The following MLXIP variants were observed in gnomAD, a reference collection of about 807,000 sequenced individuals.
MLXIP encodes the protein MLX interacting protein.
A neutral mutation model predicts 87.2 loss-of-function variants in MLXIP; 30 were observed. The observed-to-expected ratio is 0.34, with a 90% CI of 0.26 to 0.47. MLXIP has a LOEUF of 0.47. Ranked by LOEUF, MLXIP falls within the 20% of genes least tolerant of loss-of-function variation. The pLI is 1.00. For missense variants in MLXIP, 1,002 were observed against 1,240.1 expected (o/e 0.81, Z 2.88); for synonymous variants, 530 against 514.0 (o/e 1.03, Z -0.42).
chr12:122,125,620 G>C (rs910027858), intron 1 of MLXIP, among the ~76,000 whole-genome samples: 1 of 152,196 alleles, frequency 6.6e-6, no homozygotes, highest in African/African-American at 2.4e-5. Context: ...CTGTACCACC[G>C]GTGAGGCCAG....
chr12:122,140,838 C>T, intron 15 of MLXIP, 116 bp from the exon 16 acceptor site: 1 of 1,500,000 alleles, frequency 6.7e-7, no homozygotes, highest in South Asian at 1.1e-5. Context: ...GATCCATTCT[C>T]TGTGGGCAGA....
chr12:122,100,707 A>G (rs976921370), intron 1 of MLXIP, among the ~76,000 whole-genome samples: 8 of 152,074 alleles, frequency 5.3e-5, no homozygotes, highest in African/African-American at 7.2e-5. Flanking sequence ...CCCATTTTCT[A>G]TTGGTTTGCA....
chr12:122,093,165 T>C (rs1040796194), intron 1 of MLXIP, among the ~76,000 whole-genome samples: 3 of 147,816 alleles, frequency 2.0e-5, no homozygotes, highest in Non-Finnish European at 4.5e-5. Context: ...GTAGGGTATG[T>C]AGTGTGTGTA....
At chr12:122,117,751 A>G (rs1952714993) in intron 1 of MLXIP, among the ~76,000 whole-genome samples, 1 of 152,190 alleles carries the variant, frequency 6.6e-6, no homozygotes, top group African/African-American at 2.4e-5. Flanking sequence ...CTGAAAGCTC[A>G]GATAGTGCCG....
rs756776307 is a variant in MLXIP at position 122,138,512 on chromosome 12, G to A, written c.2345G>A (p.Arg782Gln). 19 of 1,613,702 alleles carry A rather than the reference G, an allele frequency of 1.2e-5. No homozygotes were observed. Among genetic ancestry groups the A allele is most frequent in the East Asian group, 6.7e-5 (3 of 44,878 alleles). The stretch of plus-strand genomic sequence containing the variant: ...GGCCAGATGCAGGAGGAGGCCCGGC[G>A]GCTGCGGGAGGAGATCGAGGAGCTC... ...ERGQMQEEAR[R>Q]LREEIEELNA... Residue 782 changes from arginine to glutamine, a missense_variant, in exon 14 of 17, where the codon CGG becomes CAG. Physicochemically the swap from Arg to Gln is conservative, Grantham distance 43. Coordinates refer to ENST00000319080, the MANE Select transcript of MLXIP (RefSeq NM_014938.6).
chr12:122,106,886 G>A (rs1172428702), intron 1 of MLXIP, among the ~76,000 whole-genome samples: 2 of 152,154 alleles, frequency 1.3e-5, no homozygotes, highest in Non-Finnish European at 2.9e-5. Context: ...ACAGGTGTGA[G>A]CCACAGCACC....
chr12:122,131,384 A>G (rs1482756699), intron 7 of MLXIP, among the ~76,000 whole-genome samples: 2 of 147,984 alleles, frequency 1.4e-5, no homozygotes. Context: ...CCCTCTGTCC[A>G]TGGCATCCCC....
chr12:122,083,069 C>G (rs561279812), intron 1 of MLXIP, among the ~76,000 whole-genome samples: 119 of 152,330 alleles, frequency 7.8e-4, no homozygotes, highest in Non-Finnish European at 1.5e-3. Context: ...GTCCTTCCAC[C>G]TCAGCCTTCC....
Position 122,084,767 on chromosome 12 carries a change from CA to C in MLXIP, c.413+5504del, listed in dbSNP as rs1404533975. Among the ~76,000 whole-genome samples, 4 of 152,236 alleles carry C rather than the reference CA, an allele frequency of 2.6e-5. No individual in the cohort carries two copies. The South Asian group carries it at 6.2e-4, about 24-fold the overall frequency. On this transcript the variant is annotated intron_variant, in intron 1 of 16. Coordinates refer to ENST00000319080, the MANE Select transcript of MLXIP (RefSeq NM_014938.6). ...TTTGCCATGTTGGCCAGGCTGGTCT[CA>C]AACTCCTGACCTCAAGTGATCGGCC...
chr12:122,131,733 G>A (rs1952982748), intron 7 of MLXIP, among the ~76,000 whole-genome samples: 1 of 151,394 alleles, frequency 6.6e-6, no homozygotes, highest in East Asian at 2.0e-4. Flanking sequence ...GCCTGTTTTA[G>A]TCTTTGTTAT....
chr12:122,118,594 T>C (rs1197279167), intron 1 of MLXIP, among the ~76,000 whole-genome samples: 1 of 152,178 alleles, frequency 6.6e-6, no homozygotes, highest in Non-Finnish European at 1.5e-5. Context: ...ACGCCTATAA[T>C]CCCAGCACTT....
At chr12:122,120,434 C>T (rs917019004) in intron 1 of MLXIP, among the ~76,000 whole-genome samples, 6 of 152,112 alleles carry the variant, frequency 3.9e-5, no homozygotes, top group African/African-American at 1.2e-4. Context: ...CTACGTTACC[C>T]AGACCAGTCT....
intron 1 of MLXIP, among the ~76,000 whole-genome samples, chr12:122,119,117 G>A (rs1048897424): frequency 1.3e-5 from 2 of 151,816 alleles, no homozygotes; most frequent in African/African-American, 2.4e-5. Context: ...GCAGTGAGCC[G>A]AGATCGCGCC....
chr12:122,122,301 G>T (rs1199321195), intron 1 of MLXIP, among the ~76,000 whole-genome samples: 1 of 152,132 alleles, frequency 6.6e-6, no homozygotes, highest in Non-Finnish European at 1.5e-5. Flanking sequence ...GCTTTCTGGC[G>T]GTGCTTCCCT....
chr12:122,133,919 A>G lies in MLXIP; in HGVS notation c.1664A>G (p.His555Arg). 6.2e-7 allele frequency: 1 copy of G among 1,609,016 alleles called. No homozygotes were observed. Among genetic ancestry groups the G allele is most frequent in the Non-Finnish European group, 8.5e-7 (1 of 1,178,092 alleles). The change falls in exon 9 of 17, where the codon CAC becomes CGC. Residue 555 changes from histidine (H) to arginine (R), a missense_variant. His to Arg is a conservative substitution (Grantham distance 29, BLOSUM62 0). Around this residue, in one of 3 missense-constraint regions of MLXIP, gnomAD observed 746 missense variants for 897.0 expected, o/e 0.83. Coordinates refer to ENST00000319080, the MANE Select transcript of MLXIP (RefSeq NM_014938.6). The surrounding 1 kb of genome is among the most constrained non-coding windows in gnomAD (Gnocchi z 4.9). The part of the protein sequence containing the change: ...SLTGGRPKQP[H>R]KIVPAPKPEP... ...ACTGGGGGCAGGCCTAAGCAGCCCC[A>G]CAAAATAGTGCCTGCTCCCAAACCA... is the stretch of plus-strand genomic sequence containing the variant.
At chr12:122,123,664 AC>A (rs1176279139) in intron 1 of MLXIP, among the ~76,000 whole-genome samples, 2 of 151,710 alleles carry the variant, frequency 1.3e-5, no homozygotes, top group Admixed American at 6.6e-5. Context: ...TGTCTGCTGT[AC>A]CCCCTGCCTT....
intron 1 of MLXIP, among the ~76,000 whole-genome samples, chr12:122,108,002 C>T (rs745560974): frequency 6.6e-6 from 1 of 152,058 alleles, no homozygotes; most frequent in African/African-American, 2.4e-5. Context: ...TTGGAAGGTG[C>T]GCCATGTGTC....
intron 1 of MLXIP, among the ~76,000 whole-genome samples, chr12:122,108,183 C>T (rs1378073996): frequency 6.6e-6 from 1 of 151,948 alleles, no homozygotes; most frequent in African/African-American, 2.4e-5. Flanking sequence ...TCCTGGCCAA[C>T]ACGGTGAAAC....
At position 122,135,829 on chromosome 12, in the gene MLXIP, C is replaced by A; in HGVS notation, c.2032+163C>A. 1.2e-6 allele frequency: 1 copy of A among 854,264 alleles called. No individual in the cohort carries two copies. Among genetic ancestry groups the A allele is most frequent in the Non-Finnish European group, 1.7e-6 (1 of 591,582 alleles). 52.9% of individuals were successfully genotyped at this position (854,264 alleles called of 1,614,324 possible). ...TGATAACACAGTCTGGGAACACGCT[C>A]TGTGGGTGGCAGGATGAAATGTGGT... On this transcript the variant is annotated intron_variant, in intron 11 of 16. Transcript: ENST00000319080. The surrounding 1 kb of genome is among the most constrained non-coding windows in gnomAD (Gnocchi z 5.3).
Sources: gnomAD v4.1 joint callset for allele counts (sites outside exome capture counted in the v4.1 genomes callset) on GRCh38, gnomAD v4.1.1 for gene constraint, gnomAD v4.1.1 regional missense constraint, Gnocchi (gnomAD v3.1) non-coding constraint, MANE v1.5 for transcripts, NCBI Gene and HGNC (gene_info 2026-07-23, HGNC 2026-07-21) for gene names.